STAM2: variants seen among roughly 807,000 people sequenced by gnomAD.
The protein encoded by STAM2 is signal transducing adapter molecule 2.
STAM2 carries 51 observed loss-of-function variants against 65.6 expected under a neutral mutation model. That is an observed-to-expected ratio of 0.78 (90% CI 0.62 to 0.98). The LOEUF is 0.98. Among genes scored for constraint, STAM2 ranks in the 50% least tolerant of loss-of-function variants. The pLI, the probability that STAM2 is intolerant of heterozygous loss-of-function variation, is 0.00. For missense variants in STAM2, 584 were observed against 617.8 expected (o/e 0.95, Z 0.58); for synonymous variants, 198 against 208.4 (o/e 0.95, Z 0.43).
intron 5 of STAM2, among the ~76,000 whole-genome samples, chr2:152,146,919 T>C (rs1045010725): frequency 1.3e-5 from 2 of 152,252 alleles, no homozygotes; most frequent in African/African-American, 4.8e-5. Flanking sequence ...TTTGCATGAC[T>C]GTAGACTTAG....
intron 1 of STAM2, among the ~76,000 whole-genome samples, chr2:152,168,163 A>AT (rs70974828): frequency 5.4e-5 from 8 of 149,012 alleles, no homozygotes; most frequent in South Asian, 2.1e-4. Flanking sequence ...TACAAGGCCT[A>AT]TTTTTTTTTT....
intron 13 of STAM2, among the ~76,000 whole-genome samples, chr2:152,121,818 G>A (rs1376470925): frequency 6.6e-6 from 1 of 152,046 alleles, no homozygotes; most frequent in Non-Finnish European, 1.5e-5. Context: ...GCCGAGGAGG[G>A]CGGATCACGA....
chr2:152,167,626 G>A (rs1579337268), intron 1 of STAM2, among the ~76,000 whole-genome samples: 1 of 152,268 alleles, frequency 6.6e-6, no homozygotes, highest in East Asian at 1.9e-4. Flanking sequence ...CAGGCATGGT[G>A]GCTCACTCCT....
At chr2:152,163,044 T>C (rs1299982326) in intron 1 of STAM2, among the ~76,000 whole-genome samples, 1 of 152,128 alleles carries the variant, frequency 6.6e-6, no homozygotes, top group Non-Finnish European at 1.5e-5. Flanking sequence ...TGGCTCAGGG[T>C]GTGTGCTCCA....
intron 7 of STAM2, among the ~76,000 whole-genome samples, chr2:152,136,369 G>C (rs187086508): frequency 7.7e-4 from 117 of 152,192 alleles, no homozygotes; most frequent in Non-Finnish European, 1.3e-3. Context: ...CTTGAACCAA[G>C]AAGGCAGAGG....
intron 1 of STAM2, among the ~76,000 whole-genome samples, chr2:152,159,108 T>TAC (rs1560221618): frequency 7.3e-6 from 1 of 136,098 alleles, no homozygotes; most frequent in South Asian, 2.4e-4. Flanking sequence ...TATATATATA[T>TAC]ATACACACAC....
intron 11 of STAM2, among the ~76,000 whole-genome samples, chr2:152,130,338 G>T (rs531327777): frequency 3.1e-4 from 47 of 151,844 alleles, no homozygotes; most frequent in Middle Eastern, 3.2e-3. Flanking sequence ...TGCAAGCTCC[G>T]CCTCCTGGGT....
chr2:152,136,004 C>T lies in STAM2; in HGVS notation c.705-401G>A, dbSNP rs1442957801. 5.3e-5 allele frequency among the ~76,000 whole-genome samples: 8 copies of T among 150,746 alleles called. No individual in the cohort carries two copies. The South Asian group carries it at 6.3e-4, about 12-fold the overall frequency. On this transcript the variant is annotated intron_variant, in intron 7 of 13. Coordinates refer to ENST00000263904, the MANE Select transcript of STAM2 (RefSeq NM_005843.6). Reference sequence around the variant, plus strand: ...ACTTGGGAGGCTGAGGCAGGAGAATCGCTTAAACCCGGGAGGAGGAGGTTG... The same window carrying T: ...ACTTGGGAGGCTGAGGCAGGAGAATTGCTTAAACCCGGGAGGAGGAGGTTG...
At chr2:152,157,336 C>T (rs573049604) in intron 1 of STAM2, among the ~76,000 whole-genome samples, 1 of 152,226 alleles carries the variant, frequency 6.6e-6, no homozygotes, top group Admixed American at 6.5e-5. Context: ...TGTGTTCCTC[C>T]CAAAATTCTT....
intron 1 of STAM2, among the ~76,000 whole-genome samples, chr2:152,161,369 G>C (rs1332363024): frequency 6.6e-6 from 1 of 150,958 alleles, no homozygotes; most frequent in African/African-American, 2.4e-5. Context: ...GCGGAAGGCT[G>C]CAGGGTCCTC....
chr2:152,164,003 T>C (rs1347350878), intron 1 of STAM2, among the ~76,000 whole-genome samples: 2 of 152,174 alleles, frequency 1.3e-5, no homozygotes, highest in African/African-American at 2.4e-5. Context: ...TTGTGATCTT[T>C]ATTGGCCTCA....
At position 152,126,272 on chromosome 2, in the gene STAM2, T is replaced by C; in HGVS notation, c.1133A>G (p.His378Arg). The C allele has an allele frequency of 6.2e-7, 1 of 1,611,540 alleles. No homozygotes were observed. The highest frequency in any genetic ancestry group is 1.1e-5 in the South Asian group (1 of 90,744). The change falls in exon 12 of 14, where the codon CAC becomes CGC. Residue 378 changes from histidine to arginine, a missense_variant. His to Arg is a conservative substitution (Grantham distance 29). Transcript: ENST00000263904. ...TGCAGGTGGGTAATGTGCTGGAGGG[T>C]GGAGCTTTGAATAGACTGAGTACAC... ...APVYSVYSKL[H>R]PPAHYPPASS...
At chr2:152,163,424 C>G (rs900804051) in intron 1 of STAM2, among the ~76,000 whole-genome samples, 1 of 152,196 alleles carries the variant, frequency 6.6e-6, no homozygotes, top group East Asian at 1.9e-4. Context: ...TATGTCAACT[C>G]AAGACCCTGT....
chr2:152,133,982 A>G (rs1045519106), intron 8 of STAM2, among the ~76,000 whole-genome samples: 1 of 152,190 alleles, frequency 6.6e-6, no homozygotes, highest in Non-Finnish European at 1.5e-5. Flanking sequence ...AAAAAATAAA[A>G]CTTATTTTAA....
intron 1 of STAM2, among the ~76,000 whole-genome samples, chr2:152,170,438 G>A (rs998474542): frequency 1.3e-5 from 2 of 148,978 alleles, no homozygotes; most frequent in South Asian, 2.1e-4. Flanking sequence ...AGCTGAGATC[G>A]CGCCACTGCA....
At chr2:152,134,977 G>C (rs1689128310) in intron 8 of STAM2, among the ~76,000 whole-genome samples, 1 of 152,184 alleles carries the variant, frequency 6.6e-6, no homozygotes, top group African/African-American at 2.4e-5. Flanking sequence ...AAGTTCAGCA[G>C]ATCTGAAACA....
chr2:152,164,390 G>A (rs1003783640), intron 1 of STAM2, among the ~76,000 whole-genome samples: 1 of 149,358 alleles, frequency 6.7e-6, no homozygotes, highest in Admixed American at 6.7e-5. Context: ...TGCCCAGGCT[G>A]GAGTGCAATG....
intron 6 of STAM2, 182 bp downstream of exon 6, chr2:152,144,706 T>G: frequency 2.2e-6 from 1 of 461,700 alleles, no homozygotes; most frequent in Non-Finnish European, 3.9e-6. Flanking sequence ...GCCCAGCTAA[T>G]TTTTGTACTT....
intron 13 of STAM2, among the ~76,000 whole-genome samples, chr2:152,123,536 G>T (rs1203617068): frequency 6.6e-6 from 1 of 152,150 alleles, no homozygotes; most frequent in African/African-American, 2.4e-5. Context: ...CACATCATGG[G>T]CTTAGTCTCA....
Sources: allele counts gnomAD v4.1 joint callset (sites outside exome capture counted in the v4.1 genomes callset), GRCh38; gene constraint gnomAD v4.1.1; transcripts MANE v1.5; gene names NCBI Gene and HGNC (gene_info 2026-07-23, HGNC 2026-07-21).